The following TUSC3 variants were observed in gnomAD, a reference collection of about 807,000 sequenced individuals.
TUSC3 encodes the protein tumor suppressor candidate 3.
A neutral mutation model predicts 44.8 loss-of-function variants in TUSC3; 45 were observed. The observed-to-expected ratio is 1.00, with a 90% CI of 0.79 to 1.29. The LOEUF (loss-of-function observed/expected upper bound fraction) is 1.29, where lower values mean the gene tolerates loss of function less well. Ranked by LOEUF, TUSC3 falls within the 50% of genes most tolerant of loss-of-function variation. TUSC3 has a pLI of 0.00. For synonymous variants in TUSC3, 212 were observed against 152.9 expected (o/e 1.39, Z -2.85); for missense variants, 519 against 437.9 (o/e 1.19, Z -1.65).
intron 2 of TUSC3, among the ~76,000 whole-genome samples, chr8:15,500,602 A>G (rs73193309): frequency 2.1e-3 from 318 of 152,348 alleles, no homozygotes; most frequent in South Asian, 3.3e-3. Context: ...AAAATGATGT[A>G]GGCACCAGTT....
At chr8:15,680,593 C>T (rs930501855) in intron 6 of TUSC3, among the ~76,000 whole-genome samples, 3 of 151,906 alleles carry the variant, frequency 2.0e-5, no homozygotes, top group Non-Finnish European at 2.9e-5. Context: ...TTTTTCTTGC[C>T]TTGTTGCTCT....
chr8:15,693,438 G>GTTTT (rs1450067369), intron 6 of TUSC3, among the ~76,000 whole-genome samples: 1 of 57,390 alleles, frequency 1.7e-5, no homozygotes, highest in African/African-American at 5.7e-5. Flanking sequence ...TTGGTTGGAA[G>GTTTT]TTCTTTTTTT....
At chr8:15,423,989 T>TTTG (rs1799774266) in intron 1 of TUSC3, among the ~76,000 whole-genome samples, 1 of 130,904 alleles carries the variant, frequency 7.6e-6, no homozygotes, top group Admixed American at 8.2e-5. Context: ...TTTTTTTTTT[T>TTTG]TTTTTTTTTT....
chr8:15,470,097 A>G (rs1800467171), intron 1 of TUSC3, among the ~76,000 whole-genome samples: 1 of 140,604 alleles, frequency 7.1e-6, no homozygotes, highest in Non-Finnish European at 1.6e-5. Flanking sequence ...CCCTACAAAA[A>G]AAATTAACAA....
intron 1 of TUSC3, among the ~76,000 whole-genome samples, chr8:15,615,484 G>A (rs1345772547): frequency 6.6e-6 from 1 of 152,142 alleles, no homozygotes; most frequent in African/African-American, 2.4e-5. Context: ...AGGCAGGAGG[G>A]GAGGATAGGA....
chr8:15,665,402 T>A (rs1346403750), intron 5 of TUSC3, among the ~76,000 whole-genome samples: 5 of 151,538 alleles, frequency 3.3e-5, no homozygotes, highest in Non-Finnish European at 5.9e-5. Flanking sequence ...ACAAAAGTAC[T>A]TCCAAGGAGA....
the TUSC3 span, among the ~76,000 whole-genome samples, chr8:15,781,114 G>T: frequency 6.6e-6 from 1 of 152,148 alleles, no homozygotes; most frequent in Non-Finnish European, 1.5e-5. Flanking sequence ...TTCCCAGGTT[G>T]CCCCAGCGAT....
At chr8:15,512,954 A>ATATG (rs1554508702) in intron 2 of TUSC3, among the ~76,000 whole-genome samples, 146 of 110,298 alleles carry the variant, frequency 1.3e-3, no homozygotes, top group African/African-American at 4.0e-3. Context: ...ATATATATAT[A>ATATG]TATATGATTC....
At chr8:15,761,414 G>T (rs1361662567) in intron 10 of TUSC3, among the ~76,000 whole-genome samples, 1 of 152,196 alleles carries the variant, frequency 6.6e-6, no homozygotes, top group Non-Finnish European at 1.5e-5. Context: ...TCTTAGGCTA[G>T]GGGAAGTGGG....
chr8:15,527,725 A>G (rs1801394690), intron 2 of TUSC3, among the ~76,000 whole-genome samples: 2 of 152,126 alleles, frequency 1.3e-5, no homozygotes, highest in South Asian at 4.1e-4. Context: ...ATACTTCTGA[A>G]GCTCACTTTA....
the TUSC3 span, among the ~76,000 whole-genome samples, chr8:15,784,896 G>C: frequency 8.0e-3 from 1,223 of 152,102 alleles, 13 homozygotes; most frequent in African/African-American, 0.025. Context: ...TAAAAGAGTA[G>C]ATTTTAAATA....
intron 2 of TUSC3, among the ~76,000 whole-genome samples, chr8:15,519,608 C>A (rs914394661): frequency 6.6e-6 from 1 of 152,076 alleles, no homozygotes; most frequent in Non-Finnish European, 1.5e-5. Context: ...GTTGTGTACT[C>A]CTTATGAGAA....
intron 1 of TUSC3, among the ~76,000 whole-genome samples, chr8:15,547,963 T>C (rs1467914427): frequency 6.6e-6 from 1 of 151,764 alleles, no homozygotes; most frequent in African/African-American, 2.4e-5. Flanking sequence ...TTTTTTCTGT[T>C]ATTTTTAACT....
intron 1 of TUSC3, among the ~76,000 whole-genome samples, chr8:15,597,797 C>T (rs1026683451): frequency 1.3e-4 from 19 of 151,890 alleles, no homozygotes; most frequent in African/African-American, 3.9e-4. Context: ...CTAATGATTC[C>T]GTACTTTATC....
intron 6 of TUSC3, among the ~76,000 whole-genome samples, chr8:15,704,860 T>C (rs1176827228): frequency 2.0e-5 from 3 of 151,964 alleles, no homozygotes; most frequent in Admixed American, 6.6e-5. Flanking sequence ...ATCAAAAGGG[T>C]TAAGTGATTT....
chr8:15,807,494 G>A, the TUSC3 span, among the ~76,000 whole-genome samples: 2 of 152,006 alleles, frequency 1.3e-5, no homozygotes, highest in South Asian at 2.1e-4. Flanking sequence ...CAGAACTACC[G>A]TTCGACCCAG....
intron 7 of TUSC3, chr8:15,733,462 G>A: frequency 2.7e-6 from 1 of 367,622 alleles, no homozygotes; most frequent in Non-Finnish European, 5.3e-6. Flanking sequence ...CGAGCTGAAG[G>A]ATGAAAAGCT....
chr8:15,846,386 T>C, the TUSC3 span, among the ~76,000 whole-genome samples: 2 of 152,096 alleles, frequency 1.3e-5, no homozygotes, highest in Admixed American at 1.3e-4. Context: ...ACCCAAAGGA[T>C]TGTAAATCAT....
In TUSC3 at chr8:15,650,723, T is replaced by C. The variant is rs1806860225; in HGVS notation, c.335T>C (p.Leu112Pro). The C allele has an allele frequency of 1.9e-6, 3 of 1,614,034 alleles. No homozygotes were observed. Among genetic ancestry groups the C allele is most frequent in the African/African-American group, 2.7e-5 (2 of 74,922 alleles). ...CRQANEEYQI[L>P]ANSWRYSSAF... ...CAAGCTAATGAAGAATATCAAATAC[T>C]GGCGAACTCCTGGCGCTATTCATCT... The change falls in exon 3 of 11, where the codon CTG (leucine) becomes CCG (proline). Residue 112 changes from leucine (L) to proline (P), a missense_variant. Physicochemically the swap from Leu to Pro is moderately conservative, Grantham distance 98 (BLOSUM62 -3). Coordinates refer to ENST00000503731, the MANE Select transcript of TUSC3 (RefSeq NM_006765.4).
Sources: gnomAD v4.1 joint callset for allele counts (sites outside exome capture counted in the v4.1 genomes callset) on GRCh38, gnomAD v4.1.1 for gene constraint, MANE v1.5 for transcripts, NCBI Gene and HGNC (gene_info 2026-07-23, HGNC 2026-07-21) for gene names.